Variants in DGKB observed in about 807,000 individuals in gnomAD.
DGKB encodes the protein diacylglycerol kinase beta.
In DGKB, 67 loss-of-function variants were observed where a neutral mutation model predicts 114.3. That is an observed-to-expected ratio of 0.59 (90% CI 0.48 to 0.72). DGKB has a LOEUF of 0.72. Among genes scored for constraint, DGKB ranks in the 30% least tolerant of loss-of-function variants. The pLI, the probability that DGKB is intolerant of heterozygous loss-of-function variation, is 0.00. For synonymous variants in DGKB, 398 were observed against 323.1 expected, an observed-to-expected ratio of 1.23 and a Z score of -2.49; for missense variants, 907 against 975.2, an observed-to-expected ratio of 0.93 and a Z score of 0.93.
intron 1 of DGKB, among the ~76,000 whole-genome samples, chr7:14,964,097 T>G (rs17168557): frequency 4.0e-5 from 6 of 151,832 alleles, no homozygotes; most frequent in Non-Finnish European, 7.4e-5. Flanking sequence ...CAGTGAACAT[T>G]TGGAACAATC....
At chr7:14,974,183 T>C (rs1787657321) in intron 1 of DGKB, among the ~76,000 whole-genome samples, 1 of 151,922 alleles carries the variant, frequency 6.6e-6, no homozygotes. Flanking sequence ...TGAGCATAAA[T>C]AACCCAAAAA....
chr7:14,869,562 A>T (rs1852166009), intron 1 of DGKB, among the ~76,000 whole-genome samples: 1 of 152,148 alleles, frequency 6.6e-6, no homozygotes, highest in Non-Finnish European at 1.5e-5. Context: ...CATATCAAAC[A>T]ATTACATGCT....
chr7:14,154,848 T>C (rs77596379), intron 25 of DGKB, among the ~76,000 whole-genome samples: 1 of 60,872 alleles, frequency 1.6e-5, no homozygotes, highest in Non-Finnish European at 4.6e-5. Flanking sequence ...TACATTCTGC[T>C]TTTTTTTTTT....
At chr7:14,421,432 G>C (rs1320894638) in intron 21 of DGKB, among the ~76,000 whole-genome samples, 1 of 152,020 alleles carries the variant, frequency 6.6e-6, no homozygotes, top group Non-Finnish European at 1.5e-5. Flanking sequence ...TTTATAAAGT[G>C]CATAGTAAAC....
In DGKB at chr7:14,468,989, TGTAA is replaced by T. The variant is rs1780889476; in HGVS notation, c.1835+9168_1835+9171del. On this transcript the variant is annotated intron_variant, in intron 21 of 25. Transcript: ENST00000402815. ...TTGCATGGAAATGATAATAATAAAA[TGTAA>T]GTGTCTTGCAAACAGAAACTAGAAA... Among the ~76,000 whole-genome samples the T allele has an allele frequency of 8.5e-5, 13 of 152,186 alleles. 1 individual carries two copies. In the South Asian group the frequency reaches 2.3e-3, roughly 27 times the overall value.
At chr7:14,392,174 T>C (rs76635289) in intron 21 of DGKB, among the ~76,000 whole-genome samples, 3,595 of 152,312 alleles carry the variant, frequency 0.024, 56 homozygotes, top group Middle Eastern at 0.048. Flanking sequence ...TGAATGCATG[T>C]AAATTTTCTC....
intron 21 of DGKB, among the ~76,000 whole-genome samples, chr7:14,459,702 A>G (rs1832791958): frequency 6.6e-6 from 1 of 152,182 alleles, no homozygotes; most frequent in Non-Finnish European, 1.5e-5. Context: ...AACTTCACCA[A>G]CCTAGCAAGA....
intron 16 of DGKB, among the ~76,000 whole-genome samples, chr7:14,609,056 A>G (rs1423523060): frequency 6.6e-6 from 1 of 152,090 alleles, no homozygotes; most frequent in African/African-American, 2.4e-5. Flanking sequence ...GACTTAGAAG[A>G]AAACTCTTCT....
At chr7:14,307,031 C>A (rs1346620839) in intron 23 of DGKB, among the ~76,000 whole-genome samples, 2 of 152,130 alleles carry the variant, frequency 1.3e-5, no homozygotes, top group African/African-American at 2.4e-5. Context: ...ATCATCAGTA[C>A]TTTCTCATTA....
chr7:14,582,906 A>G (rs1311800164), intron 18 of DGKB, 146 bp downstream of exon 18: 2 of 658,206 alleles, frequency 3.0e-6, no homozygotes, highest in Non-Finnish European at 5.4e-6. Context: ...CTACAGAATA[A>G]TAAGTTAAAC....
intron 23 of DGKB, among the ~76,000 whole-genome samples, chr7:14,253,268 C>T (rs570388696): frequency 7.9e-5 from 12 of 152,098 alleles, no homozygotes; most frequent in Middle Eastern, 3.4e-3. Flanking sequence ...CTCCTGACCT[C>T]GTGATCCGCC....
At chr7:14,825,020 A>ATG (rs1261247851) in intron 2 of DGKB, among the ~76,000 whole-genome samples, 34 of 84,808 alleles carry the variant, frequency 4.0e-4, no homozygotes, top group African/African-American at 1.9e-3. Context: ...GTGTATGTAT[A>ATG]TATATATATA....
In DGKB at chr7:14,725,498, T is replaced by G. The variant is rs78918023; in HGVS notation, c.323-6813A>C. 3.6e-3 allele frequency among the ~76,000 whole-genome samples: 555 copies of G among 152,188 alleles called. 3 individuals carry two copies. Among genetic ancestry groups the G allele is most frequent in the African/African-American group, 0.012 (513 of 41,534 alleles). On this transcript the variant is annotated intron_variant, in intron 5 of 25. Coordinates refer to ENST00000402815, the MANE Select transcript of DGKB (RefSeq NM_001350709.2). Reference sequence around the variant, plus strand: ...AGAAATTCCAATAATCTCCTTAAATTTCACTGTACAGATATTGTTCAGAAT... The same window carrying G: ...AGAAATTCCAATAATCTCCTTAAATGTCACTGTACAGATATTGTTCAGAAT...
chr7:14,440,057 G>T (rs951001309), intron 21 of DGKB, among the ~76,000 whole-genome samples: 2 of 152,010 alleles, frequency 1.3e-5, no homozygotes, highest in Admixed American at 1.3e-4. Flanking sequence ...CAGGGAAGAA[G>T]AAGATAGCTC....
chr7:14,756,254 A>T (rs1437034289), intron 3 of DGKB, among the ~76,000 whole-genome samples: 1 of 151,984 alleles, frequency 6.6e-6, no homozygotes, highest in Non-Finnish European at 1.5e-5. Flanking sequence ...TATTAATGAC[A>T]ATTTTTGTGT....
At chr7:14,242,892 C>T (rs1053867957) in intron 23 of DGKB, among the ~76,000 whole-genome samples, 12 of 146,622 alleles carry the variant, frequency 8.2e-5, no homozygotes, top group East Asian at 6.0e-4. Context: ...AAGTATGTGA[C>T]GCTTTCTGAG....
chr7:14,498,038 A>T (rs553635913), intron 20 of DGKB, among the ~76,000 whole-genome samples: 87 of 152,040 alleles, frequency 5.7e-4, no homozygotes, highest in African/African-American at 2.1e-3. Flanking sequence ...TTAGATTCTT[A>T]ACTGTTATAA....
chr7:14,603,635 G>C (rs1240980950), intron 17 of DGKB, among the ~76,000 whole-genome samples: 1 of 152,002 alleles, frequency 6.6e-6, no homozygotes, highest in African/African-American at 2.4e-5. Flanking sequence ...TAAATCTGTA[G>C]GTTGACTGTT....
chr7:14,200,451 C>T (rs187197298), intron 23 of DGKB, among the ~76,000 whole-genome samples: 5 of 152,098 alleles, frequency 3.3e-5, no homozygotes, highest in East Asian at 1.9e-4. Flanking sequence ...CCACAAAAGC[C>T]GTCCTCATTT....
Sources: gnomAD v4.1 joint callset for allele counts (sites outside exome capture counted in the v4.1 genomes callset) on GRCh38, gnomAD v4.1.1 for gene constraint, MANE v1.5 for transcripts, NCBI Gene and HGNC (gene_info 2026-07-23, HGNC 2026-07-21) for gene names.